Variants in SCML4 observed in about 807,000 individuals in gnomAD.
The protein encoded by SCML4 is sex comb on midleg-like protein 4.
A neutral mutation model predicts 41.1 loss-of-function variants in SCML4; 34 were observed. The observed-to-expected ratio is 0.83, with a 90% CI of 0.63 to 1.10. The LOEUF is 1.10. SCML4 is among the 50% of genes least tolerant of loss of function. The pLI is 0.00. For missense variants in SCML4, 522 were observed against 534.1 expected (o/e 0.98, Z 0.22); for synonymous variants, 214 against 220.9 (o/e 0.97, Z 0.28).
At position 107,804,035 on chromosome 6, in the gene SCML4, AG is replaced by A. The variant is rs1583632481; in HGVS notation, c.-60+20090del. Among the ~76,000 whole-genome samples, 5 of 148,394 alleles carry A rather than the reference AG, an allele frequency of 3.4e-5. No homozygotes were observed. The East Asian group carries it at 1.0e-3, about 30-fold the overall frequency. ...AATCCCCCTCTGCGAGAAACACCCA[AG>A]AATGATCAATAACAAAAAAAAAAAG... On this transcript the variant is annotated intron_variant, in intron 1 of 7. Coordinates refer to ENST00000369020, the MANE Select transcript of SCML4 (RefSeq NM_198081.5).
chr6:107,740,229 T>C (rs996008347), intron 5 of SCML4: 1 of 464,078 alleles, frequency 2.2e-6, no homozygotes, highest in African/African-American at 2.0e-5. Context: ...AGACACCATA[T>C]ACCACAATAA....
chr6:107,768,270 C>T (rs9486685), intron 2 of SCML4, among the ~76,000 whole-genome samples: 1 of 152,016 alleles, frequency 6.6e-6, no homozygotes, highest in Non-Finnish European at 1.5e-5. Flanking sequence ...GGTCCCCACC[C>T]CATGGAGCCA....
intron 2 of SCML4, chr6:107,755,680 A>C: frequency 1.6e-6 from 2 of 1,219,846 alleles, no homozygotes; most frequent in Non-Finnish European, 2.2e-6. Context: ...AAAAAAAAAA[A>C]AGCTGTCTAT....
chr6:107,812,003 C>T (rs1228593421), intron 1 of SCML4, among the ~76,000 whole-genome samples: 1 of 152,216 alleles, frequency 6.6e-6, no homozygotes, highest in Non-Finnish European at 1.5e-5. Flanking sequence ...CCAGGGCAGA[C>T]GTTCTCTCAC....
the SCML4 span, among the ~76,000 whole-genome samples, chr6:107,844,235 G>A: frequency 2.6e-5 from 4 of 152,214 alleles, no homozygotes; most frequent in African/African-American, 7.2e-5. Context: ...AAGAAAACTC[G>A]ATGGGATATT....
intron 2 of SCML4, among the ~76,000 whole-genome samples, chr6:107,752,214 G>C (rs1162600451): frequency 6.6e-6 from 1 of 152,034 alleles, no homozygotes; most frequent in Non-Finnish European, 1.5e-5. Context: ...TGTTGTTGTT[G>C]TTTATTTTGA....
rs187186584 is a variant in SCML4 at position 107,761,774 on chromosome 6, G to A, written c.156+10398C>T. ...GTCTATGTGCTTCAAGGGAATAACT[G>A]ACAATCTAGACTTCTACACCCAGAA... On this transcript the variant is annotated intron_variant, in intron 2 of 7. Transcript: ENST00000369020. Among the ~76,000 whole-genome samples, 23 of 150,078 alleles carry A rather than the reference G, an allele frequency of 1.5e-4. No homozygotes were observed. In the East Asian group the frequency reaches 2.6e-3, roughly 17 times the overall value.
Position 107,746,733 on chromosome 6 carries a change from A to G in SCML4, c.443T>C (p.Val148Ala), listed in dbSNP as rs747405400. 3 of 1,614,106 alleles carry G rather than the reference A, an allele frequency of 1.9e-6. No individual in the cohort carries two copies. The highest frequency in any genetic ancestry group is 2.5e-6 in the Non-Finnish European group (3 of 1,180,006). ...CIDCAHQQKL[V>A]FSLVKQGYGG... ...ATAGCCCTGCTTGACCAGGGAGAAGACCAGCTTCTGCTGGTGGGCGCAGTC... is the reference window on the plus strand; with the variant it reads ...ATAGCCCTGCTTGACCAGGGAGAAGGCCAGCTTCTGCTGGTGGGCGCAGTC... The change falls in exon 4 of 8, where the codon GTC becomes GCC. Residue 148 changes from valine to alanine, a missense_variant. Physicochemically the swap from Val to Ala is moderately conservative, Grantham distance 64. Transcript: ENST00000369020.
chr6:107,713,981 G>T (rs1393512796), intron 6 of SCML4, among the ~76,000 whole-genome samples: 3 of 152,108 alleles, frequency 2.0e-5, no homozygotes, highest in East Asian at 3.9e-4. Context: ...GGGTGATCTC[G>T]GCTCACTGCA....
the SCML4 span, among the ~76,000 whole-genome samples, chr6:107,838,010 C>T: frequency 4.0e-5 from 6 of 150,204 alleles, no homozygotes; most frequent in Non-Finnish European, 5.9e-5. Context: ...CAGGTTCAAG[C>T]AATTCTCCTG....
intron 5 of SCML4, among the ~76,000 whole-genome samples, chr6:107,727,348 A>G (rs1358163087): frequency 6.6e-6 from 1 of 152,230 alleles, no homozygotes. Flanking sequence ...AGCTGCGCAT[A>G]TCTATATACT....
chr6:107,815,190 C>T (rs889410793), intron 1 of SCML4, among the ~76,000 whole-genome samples: 3 of 152,312 alleles, frequency 2.0e-5, no homozygotes, highest in Admixed American at 1.3e-4. Flanking sequence ...GTAACAGCTT[C>T]TGCAGAGGGG....
At chr6:107,819,548 C>A (rs1019512233) in intron 1 of SCML4, among the ~76,000 whole-genome samples, 1 of 152,090 alleles carries the variant, frequency 6.6e-6, no homozygotes, top group Non-Finnish European at 1.5e-5. Context: ...GAAAGTAAGA[C>A]CTCCTCAGCC....
At chr6:107,721,495 G>T (rs1583406125) in intron 5 of SCML4, among the ~76,000 whole-genome samples, 2 of 151,264 alleles carry the variant, frequency 1.3e-5, no homozygotes, top group Middle Eastern at 6.8e-3. Flanking sequence ...AACCCGGGAG[G>T]CAGAGGTTGC....
chr6:107,840,305 G>A, the SCML4 span, among the ~76,000 whole-genome samples: 1 of 152,204 alleles, frequency 6.6e-6, no homozygotes, highest in African/African-American at 2.4e-5. Context: ...TTAATGATTG[G>A]GTTCTGGTCT....
At chr6:107,771,402 G>A (rs1401501392) in intron 2 of SCML4, among the ~76,000 whole-genome samples, 1 of 148,436 alleles carries the variant, frequency 6.7e-6, no homozygotes, top group African/African-American at 2.4e-5. Flanking sequence ...ATGCCCGAAA[G>A]GTTTGTGAAG....
At chr6:107,706,002 G>T (rs1177551227) in intron 7 of SCML4, among the ~76,000 whole-genome samples, 1 of 152,192 alleles carries the variant, frequency 6.6e-6, no homozygotes, top group African/African-American at 2.4e-5. Context: ...GCAAGGCTGG[G>T]CTTCCATGGT....
intron 1 of SCML4, among the ~76,000 whole-genome samples, chr6:107,818,367 G>A (rs1006800038): frequency 2.0e-5 from 3 of 152,050 alleles, no homozygotes; most frequent in African/African-American, 4.8e-5. Flanking sequence ...GATTCCTCAC[G>A]ACTGAAAAAA....
intron 1 of SCML4, among the ~76,000 whole-genome samples, chr6:107,813,101 G>C (rs1784280673): frequency 6.6e-6 from 1 of 151,790 alleles, no homozygotes; most frequent in African/African-American, 2.4e-5. Flanking sequence ...GGTGGCTCAT[G>C]CTTATAGTCC....
Sources: gnomAD v4.1 joint callset for allele counts (sites outside exome capture counted in the v4.1 genomes callset) on GRCh38, gnomAD v4.1.1 for gene constraint, MANE v1.5 for transcripts, NCBI Gene and HGNC (gene_info 2026-07-23, HGNC 2026-07-21) for gene names.